Variants in DYNLL1 observed in about 807,000 individuals in gnomAD.
DYNLL1 encodes dynein light chain 1, cytoplasmic.
A neutral mutation model predicts 10.1 loss-of-function variants in DYNLL1; 3 were observed. That is an observed-to-expected ratio of 0.30 (90% CI 0.14 to 0.77). The LOEUF (loss-of-function observed/expected upper bound fraction) is 0.77, where lower values mean the gene tolerates loss of function less well. DYNLL1 is among the 30% of genes least tolerant of loss of function. DYNLL1 has a pLI of 0.66. For synonymous variants in DYNLL1, 46 were observed against 41.2 expected, an observed-to-expected ratio of 1.12 and a Z score of -0.45; for missense variants, 47 against 111.7, an observed-to-expected ratio of 0.42 and a Z score of 2.61.
intron 1 of DYNLL1, among the ~76,000 whole-genome samples, chr12:120,487,080 T>C (rs1031319919): frequency 4.7e-5 from 7 of 148,378 alleles, no homozygotes; most frequent in African/African-American, 1.7e-4. Context: ...GTTCACACCA[T>C]TGTCCTGCTT....
intron 1 of DYNLL1, among the ~76,000 whole-genome samples, chr12:120,480,501 G>T (rs1237946257): frequency 1.3e-5 from 2 of 152,136 alleles, no homozygotes; most frequent in Non-Finnish European, 2.9e-5. Flanking sequence ...AGCTTCTCTG[G>T]GATCTGCTGT....
chr12:120,473,008 T>C (rs1205960770), intron 1 of DYNLL1, among the ~76,000 whole-genome samples: 1 of 152,214 alleles, frequency 6.6e-6, no homozygotes. Flanking sequence ...CATCTAGATA[T>C]TCAACATTAT....
rs572276758 is a variant in DYNLL1, at chr12:120,472,789, G to A, written c.-7+2685G>A. ...AGCAGAAAATGTAGGGATGTGGTTAGTACAGGCTTCTTGGATTAGATAGAG... is the reference window on the plus strand; with the variant it reads ...AGCAGAAAATGTAGGGATGTGGTTAATACAGGCTTCTTGGATTAGATAGAG... On this transcript the variant is annotated intron_variant, in intron 1 of 2. Coordinates refer to the DYNLL1 transcript ENST00000392509. Among the ~76,000 whole-genome samples the A allele has an allele frequency of 1.4e-4, 21 of 152,288 alleles. No individual in the cohort carries two copies. In the South Asian group the frequency reaches 4.1e-3, roughly 30 times the overall value.
chr12:120,484,057 A>T lies in DYNLL1; in HGVS notation c.-6-12359A>T, dbSNP rs546548238. Among the ~76,000 whole-genome samples the T allele has an allele frequency of 2.0e-5, 3 of 151,902 alleles. No individual in the cohort carries two copies. In the South Asian group the frequency reaches 6.2e-4, roughly 32 times the overall value. On this transcript the variant is annotated intron_variant, in intron 1 of 2. Coordinates refer to the DYNLL1 transcript ENST00000392509. ...TTAAAGAGAGAATGGGAGGTGAGGAATCGGGGACAGGGAGTACAGACAACT... is the reference window on the plus strand; with the variant it reads ...TTAAAGAGAGAATGGGAGGTGAGGATTCGGGGACAGGGAGTACAGACAACT...
chr12:120,475,727 G>C (rs186057879), intron 1 of DYNLL1, among the ~76,000 whole-genome samples: 2 of 152,160 alleles, frequency 1.3e-5, no homozygotes, highest in East Asian at 3.9e-4. Flanking sequence ...CTACCATACA[G>C]GACAGCGTAG....
At chr12:120,485,070 G>C (rs1220900593) in intron 1 of DYNLL1, among the ~76,000 whole-genome samples, 1 of 151,872 alleles carries the variant, frequency 6.6e-6, no homozygotes, top group African/African-American at 2.4e-5. Context: ...ATTAAAATTG[G>C]GCTGGGTGCA....
chr12:120,473,939 C>T (rs1054167335), intron 1 of DYNLL1, among the ~76,000 whole-genome samples: 1 of 151,970 alleles, frequency 6.6e-6, no homozygotes, highest in African/African-American at 2.4e-5. Flanking sequence ...CACTGCACTC[C>T]AGCCTGGGCA....
chr12:120,480,720 T>C (rs1230592487), intron 1 of DYNLL1, among the ~76,000 whole-genome samples: 2 of 152,134 alleles, frequency 1.3e-5, no homozygotes, highest in Non-Finnish European at 2.9e-5. Context: ...TGAAAGGCCT[T>C]GTTGTCTCCC....
chr12:120,493,736 C>G (rs1268391386), upstream of DYNLL1: 2 of 150,588 alleles, frequency 1.3e-5, no homozygotes, highest in Admixed American at 1.3e-4. Flanking sequence ...CTCAGCCTCC[C>G]AACTAGCTGG....
At chr12:120,487,253 G>GT (rs1879016692) in intron 1 of DYNLL1, among the ~76,000 whole-genome samples, 1 of 125,658 alleles carries the variant, frequency 8.0e-6, no homozygotes, top group Non-Finnish European at 1.6e-5. Flanking sequence ...GATTACAGGC[G>GT]TAAGCCACCG....
chr12:120,497,985 T>G, intron 2 of DYNLL1, 88 bp from the exon 3 acceptor site: 1 of 1,353,768 alleles, frequency 7.4e-7, no homozygotes, highest in Non-Finnish European at 1.0e-6. Flanking sequence ...GTTCCTCCTT[T>G]CTGCCCCTAC....
chr12:120,497,991 C>G (rs1170776910), intron 2 of DYNLL1, 82 bp from the exon 3 acceptor site: 2 of 1,402,154 alleles, frequency 1.4e-6, no homozygotes, highest in Non-Finnish European at 1.9e-6. Flanking sequence ...CCTTTCTGCC[C>G]CTACAGGCTC....
intron 2 of DYNLL1, 188 bp downstream of exon 2, chr12:120,496,741 G>T (rs1255486558): frequency 2.7e-4 from 157 of 582,098 alleles, no homozygotes; most frequent in Middle Eastern, 4.6e-4. Flanking sequence ...GGCGTCCGAA[G>T]TTTTTTTTTT....
chr12:120,482,644 G>C (rs1878907610), intron 1 of DYNLL1, among the ~76,000 whole-genome samples: 1 of 151,460 alleles, frequency 6.6e-6, no homozygotes, highest in African/African-American at 2.4e-5. Flanking sequence ...TTTTTTTACA[G>C]AGAAAGGCAA....
At chr12:120,474,752 TATC>T (rs1481827273) in intron 1 of DYNLL1, among the ~76,000 whole-genome samples, 1 of 152,208 alleles carries the variant, frequency 6.6e-6, no homozygotes, top group Middle Eastern at 3.4e-3. Flanking sequence ...TGGCCCTAGG[TATC>T]AGTGGGCAGA....
At chr12:120,497,490 C>A (rs982724961) in intron 2 of DYNLL1, 1 of 152,406 alleles carries the variant, frequency 6.6e-6, no homozygotes, top group Non-Finnish European at 1.5e-5. Flanking sequence ...TTGACAGATT[C>A]TGTTTCCAGC....
chr12:120,494,590 T>C (rs1176350062), upstream of DYNLL1, among the ~76,000 whole-genome samples: 1 of 152,164 alleles, frequency 6.6e-6, no homozygotes, highest in Non-Finnish European at 1.5e-5. Context: ...CCCATCTTTT[T>C]CTTTCTGGAG....
intron 1 of DYNLL1, among the ~76,000 whole-genome samples, chr12:120,479,528 T>C (rs997101856): frequency 6.6e-6 from 1 of 150,610 alleles, no homozygotes; most frequent in African/African-American, 2.4e-5. Flanking sequence ...AAATGAGATA[T>C]GTGCTACAAG....
upstream of DYNLL1, among the ~76,000 whole-genome samples, chr12:120,492,782 T>TA (rs1879163486): frequency 6.6e-6 from 1 of 152,056 alleles, no homozygotes; most frequent in South Asian, 2.1e-4. This position sits in a 1 kb window ranked among gnomAD's most constrained non-coding sequence, Gnocchi z 4.1. Flanking sequence ...CAGGAGTAGA[T>TA]ATAGTAAGTT....
Sources: gnomAD v4.1 joint callset for allele counts (sites outside exome capture counted in the v4.1 genomes callset) on GRCh38, gnomAD v4.1.1 for gene constraint, Gnocchi (gnomAD v3.1) non-coding constraint, MANE v1.5 for transcripts, NCBI Gene and HGNC (gene_info 2026-07-23, HGNC 2026-07-21) for gene names.